APOL6: variants seen among roughly 807,000 people sequenced by gnomAD.
APOL6 encodes the protein apolipoprotein L6.
APOL6 carries 1 observed loss-of-function variant against 2.4 expected under a neutral mutation model. The ratio of observed to expected loss-of-function variants is 0.41; its 90% CI spans 0.15 to 1.94. The LOEUF (loss-of-function observed/expected upper bound fraction) is 1.94. APOL6 is among the 30% of genes most tolerant of loss of function. The pLI is 0.30. For synonymous variants in APOL6, 189 were observed against 169.3 expected (o/e 1.12, Z -0.90); for missense variants, 438 against 429.2 (o/e 1.02, Z -0.18).
Position 35,660,465 on chromosome 22 carries a change from C to T in APOL6, c.*869C>T, listed in dbSNP as rs1924992384. ...CAATAAATTTCTGTGGTGTAAGCAACTCAATCTATAGTAGTTTGTTACTAT... is the reference window on the plus strand; with the variant it reads ...CAATAAATTTCTGTGGTGTAAGCAATTCAATCTATAGTAGTTTGTTACTAT... On this transcript the variant is annotated 3_prime_UTR_variant, in exon 3 of 3. Coordinates refer to ENST00000409652, the MANE Select transcript of APOL6 (RefSeq NM_030641.4). 6.6e-6 allele frequency: 1 copy of T among 152,272 alleles called. No individual in the cohort carries two copies. Among genetic ancestry groups the T allele is most frequent in the South Asian group, 2.1e-4 (1 of 4,832 alleles). The allele number at this position is 152,272 out of a possible 1,614,324, so 9.4% of individuals were successfully genotyped here.
At position 35,667,359 on chromosome 22, in the gene APOL6, C is replaced by T. The variant is rs1443735598; in HGVS notation, c.*7763C>T. On this transcript the variant is annotated 3_prime_UTR_variant, in exon 3 of 3. Transcript: ENST00000409652. The stretch of plus-strand genomic sequence containing the variant: ...GTTAATTGGTTCCAGAGATTCAAAG[C>T]CAGAGTTGCTGTCAGTTCATTGGTA... 1.3e-5 allele frequency: 2 copies of T among 152,182 alleles called. No homozygotes were observed. The highest frequency in any genetic ancestry group is 1.3e-4 in the Admixed American group (2 of 15,278). The allele number at this position is 152,182 out of a possible 1,614,324, so 9.4% of individuals were successfully genotyped here. A position where few individuals can be genotyped will look rare whatever the true frequency, so the allele number is the denominator to read the frequency against.
chr22:35,659,029 G>A lies in APOL6; in HGVS notation c.465G>A (p.Glu155=), dbSNP rs139059958. 3.1e-6 allele frequency: 5 copies of A among 1,613,840 alleles called. No individual in the cohort carries two copies. The African/African-American group carries it at 6.7e-5, about 22-fold the overall frequency. Residue 155 remains glutamate, a synonymous_variant, in exon 3 of 3, where the codon GAG becomes GAA. Coordinates refer to ENST00000409652, the MANE Select transcript of APOL6 (RefSeq NM_030641.4). ...CCACCTACGACCAAGAGGACAGGGA[G>A]GATGAGGAAGAGAAGGCAGACTATG... ...ILPTYDQEDR[E]DEEEKADYVT... is the part of the protein sequence containing the mutation.
chr22:35,665,134 A>G lies in APOL6; in HGVS notation c.*5538A>G, dbSNP rs1395896285. ...TACACACACACACACACACCCCAAA[A>G]GCTTTTATATAATCAAGTTGTCATA... On this transcript the variant is annotated 3_prime_UTR_variant, in exon 3 of 3. Coordinates refer to ENST00000409652, the MANE Select transcript of APOL6 (RefSeq NM_030641.4). 6.6e-6 allele frequency: 1 copy of G among 152,036 alleles called. No homozygotes were observed. The highest frequency in any genetic ancestry group is 1.5e-5 in the Non-Finnish European group (1 of 67,998). The allele number at this position is 152,036 out of a possible 1,614,324, so 9.4% of individuals were successfully genotyped here.
Position 35,659,033 on chromosome 22 carries a change from G to A in APOL6, c.469G>A (p.Glu157Lys), listed in dbSNP as rs1444513475. 1 of 1,613,962 alleles carries A rather than the reference G, an allele frequency of 6.2e-7. No homozygotes were observed. The highest frequency in any genetic ancestry group is 1.1e-5 in the South Asian group (1 of 91,070). Residue 157 changes from glutamate (E) to lysine (K), a missense_variant, in exon 3 of 3, where the codon GAG (glutamate) becomes AAG (lysine). Glu to Lys is a moderately conservative substitution (Grantham distance 56). Transcript: ENST00000409652. ...PTYDQEDRED[E>K]EEKADYVTAA... ...CTACGACCAAGAGGACAGGGAGGAT[G>A]AGGAAGAGAAGGCAGACTATGTCAC...
rs769497338 is a variant in APOL6, at chr22:35,658,810, C to T, written c.246C>T (p.Thr82=). Residue 82 remains threonine (T), a synonymous_variant, in exon 3 of 3, where the codon ACC becomes ACT. Transcript: ENST00000409652. ...KKFTKANMVA[T]STAVISGVMS... Reference sequence around the variant, plus strand: ...TCACCAAGGCTAACATGGTGGCCACCTCTACTGCTGTCATCTCTGGAGTGA... The same window carrying T: ...TCACCAAGGCTAACATGGTGGCCACTTCTACTGCTGTCATCTCTGGAGTGA... The T allele has an allele frequency of 1.2e-6, 2 of 1,614,062 alleles. No homozygotes were observed. The highest frequency in any genetic ancestry group is 1.3e-5 in the African/African-American group (1 of 74,922).
In APOL6 at chr22:35,666,863, G is replaced by A. The variant is rs1925199136; in HGVS notation, c.*7267G>A. 6.6e-6 allele frequency: 1 copy of A among 152,142 alleles called. No individual in the cohort carries two copies. The highest frequency in any genetic ancestry group is 2.4e-5 in the African/African-American group (1 of 41,432). 9.4% of individuals were successfully genotyped at this position (152,142 alleles called of 1,614,324 possible). On this transcript the variant is annotated 3_prime_UTR_variant, in exon 3 of 3. Coordinates refer to ENST00000409652, the MANE Select transcript of APOL6 (RefSeq NM_030641.4). ...GCTATTGACAGCTTTTAACAATTTA[G>A]TATACTCCTATGACAAAATTTGGAG...
Position 35,664,905 on chromosome 22 carries a change from A to G in APOL6, c.*5309A>G, listed in dbSNP as rs994984727. 4.6e-5 allele frequency: 7 copies of G among 151,910 alleles called. No homozygotes were observed. Among genetic ancestry groups the G allele is most frequent in the Non-Finnish European group, 8.8e-5 (6 of 67,932 alleles). The allele number at this position is 151,910 out of a possible 1,614,324, so 9.4% of individuals were successfully genotyped here. A position where few individuals can be genotyped will look rare whatever the true frequency, so the allele number is the denominator to read the frequency against. On this transcript the variant is annotated 3_prime_UTR_variant, in exon 3 of 3. Coordinates refer to ENST00000409652, the MANE Select transcript of APOL6 (RefSeq NM_030641.4). ...ACCAGAAAAGAAAAAAAATGTAAAT[A>G]AAGTTATAAAAATAAAGAATTTTTT...
intron 2 of APOL6, 112 bp from the exon 3 acceptor site, chr22:35,658,503 G>T: frequency 2.2e-6 from 2 of 912,950 alleles, no homozygotes; most frequent in South Asian, 1.8e-5. Flanking sequence ...AGGGGATTTT[G>T]TAGGGAGGTA....
intron 1 of APOL6, among the ~76,000 whole-genome samples, chr22:35,653,691 C>CAA (rs551777054): frequency 6.6e-4 from 101 of 152,118 alleles, no homozygotes; most frequent in Non-Finnish European, 1.2e-3. Flanking sequence ...ATACTCACAC[C>CAA]AATTTACCTT....
intron 1 of APOL6, among the ~76,000 whole-genome samples, chr22:35,653,310 G>A (rs1413307014): frequency 2.6e-5 from 4 of 152,076 alleles, no homozygotes; most frequent in Admixed American, 6.5e-5. Context: ...GAGACAATGG[G>A]GTTTTCTAGA....
intron 1 of APOL6, among the ~76,000 whole-genome samples, chr22:35,652,961 G>T (rs1402620090): frequency 6.6e-6 from 1 of 151,568 alleles, no homozygotes; most frequent in Non-Finnish European, 1.5e-5. Flanking sequence ...GATGGGGATG[G>T]CATTGAATCT....
In APOL6 at chr22:35,659,630, G is replaced by A; in HGVS notation, c.*34G>A. 5.2e-6 allele frequency: 8 copies of A among 1,541,818 alleles called. No homozygotes were observed. Among genetic ancestry groups the A allele is most frequent in the Non-Finnish European group, 6.1e-6 (7 of 1,142,544 alleles). ...CAGGACATGGCATACAATGGCCTTG[G>A]AGGTCCAAATAATATCAAGTACATC... On this transcript the variant is annotated 3_prime_UTR_variant, in exon 3 of 3. Transcript: ENST00000409652.
rs200355715 is a variant in APOL6 at position 35,659,753 on chromosome 22, CTGTT to C, written c.*187_*190del. On this transcript the variant is annotated 3_prime_UTR_variant, in exon 3 of 3. Coordinates refer to ENST00000409652, the MANE Select transcript of APOL6 (RefSeq NM_030641.4). ...CTATGTGCTGGGAAAAGGGTCTTCC[CTGTT>C]TGTTTGTTTGTTTGTTTGTTTGTTT... 2,903 of 1,171,000 alleles carry C rather than the reference CTGTT, an allele frequency of 2.5e-3. 13 individuals are homozygous for C. Among genetic ancestry groups the C allele is most frequent in the African/African-American group, 8.0e-3 (493 of 61,512 alleles). 72.5% of individuals were successfully genotyped at this position (1,171,000 alleles called of 1,614,324 possible).
At position 35,665,256 on chromosome 22, in the gene APOL6, G is replaced by A. The variant is rs1925144330; in HGVS notation, c.*5660G>A. On this transcript the variant is annotated 3_prime_UTR_variant, in exon 3 of 3. Coordinates refer to ENST00000409652, the MANE Select transcript of APOL6 (RefSeq NM_030641.4). ...GTATCTTCCTGTGTATGCTTTTAAA[G>A]TCCTTGTAACATTGAGTTACAGGGC... 1 of 152,058 alleles carries A rather than the reference G, an allele frequency of 6.6e-6. No homozygotes were observed. The highest frequency in any genetic ancestry group is 6.6e-5 in the Admixed American group (1 of 15,246). 9.4% of individuals were successfully genotyped at this position (152,058 alleles called of 1,614,324 possible).
chr22:35,664,731 T>C lies in APOL6; in HGVS notation c.*5135T>C, dbSNP rs1441879089. ...TCATATTAAATTAAATAATAGATAA[T>C]TTATTATTTGGGTATTTTCCAATAA... On this transcript the variant is annotated 3_prime_UTR_variant, in exon 3 of 3. Transcript: ENST00000409652. 2 of 152,068 alleles carry C rather than the reference T, an allele frequency of 1.3e-5. No individual in the cohort carries two copies. Among genetic ancestry groups the C allele is most frequent in the East Asian group, 3.8e-4 (2 of 5,202 alleles). 9.4% of individuals were successfully genotyped at this position (152,068 alleles called of 1,614,324 possible). A position where few individuals can be genotyped will look rare whatever the true frequency, so the allele number is the denominator to read the frequency against.
In APOL6 at chr22:35,668,396, C is replaced by T. The variant is rs2145965297; in HGVS notation, c.*8800C>T. 1 of 150,214 alleles carries T rather than the reference C, an allele frequency of 6.7e-6. No homozygotes were observed. The highest frequency in any genetic ancestry group is 2.0e-4 in the East Asian group (1 of 5,002). The allele number at this position is 150,214 out of a possible 1,614,324, so 9.3% of individuals were successfully genotyped here. A position where few individuals can be genotyped will look rare whatever the true frequency, so the allele number is the denominator to read the frequency against. On this transcript the variant is annotated 3_prime_UTR_variant, in exon 3 of 3. Coordinates refer to ENST00000409652, the MANE Select transcript of APOL6 (RefSeq NM_030641.4). Reference sequence around the variant, plus strand: ...CTTACATTTGGCTCAGAATAAATCTCTTCAAATATTTTACAGAGTTTAACT... The same window carrying T: ...CTTACATTTGGCTCAGAATAAATCTTTTCAAATATTTTACAGAGTTTAACT...
At chr22:35,649,565 G>A (rs1016819205) in intron 1 of APOL6, among the ~76,000 whole-genome samples, 2 of 152,016 alleles carry the variant, frequency 1.3e-5, no homozygotes, top group African/African-American at 2.4e-5. Context: ...AGGAAAGACT[G>A]TCATAAATAT....
In APOL6 at chr22:35,661,379, A is replaced by AG. The variant is rs1366303768; in HGVS notation, c.*1783_*1784insG. 6.7e-6 allele frequency: 1 copy of AG among 148,550 alleles called. No individual in the cohort carries two copies. The highest frequency in any genetic ancestry group is 2.5e-5 in the African/African-American group (1 of 39,358). The allele number at this position is 148,550 out of a possible 1,614,324, so 9.2% of individuals were successfully genotyped here. Reference sequence around the variant, plus strand: ...TCTCAAAAAAAAAAAAAAAAAAAAAAAAGAAGAAGAATACAGTCATGTATC... The same window carrying AG: ...TCTCAAAAAAAAAAAAAAAAAAAAAAGAAGAAGAAGAATACAGTCATGTATC... On this transcript the variant is annotated 3_prime_UTR_variant, in exon 3 of 3. Coordinates refer to ENST00000409652, the MANE Select transcript of APOL6 (RefSeq NM_030641.4).
At chr22:35,656,560 T>C in intron 2 of APOL6, 85 bp downstream of exon 2, 2 of 1,498,096 alleles carry the variant, frequency 1.3e-6, no homozygotes, top group Non-Finnish European at 1.9e-6. Context: ...ATACATGTGC[T>C]CTGATAGGAT....
Sources: gnomAD v4.1 joint callset for allele counts (sites outside exome capture counted in the v4.1 genomes callset) on GRCh38, gnomAD v4.1.1 for gene constraint, MANE v1.5 for transcripts, NCBI Gene and HGNC (gene_info 2026-07-23, HGNC 2026-07-21) for gene names.